ROBO2: variants seen among roughly 807,000 people sequenced by gnomAD.
ROBO2 encodes roundabout homolog 2.
Under a neutral mutation model 160.8 loss-of-function variants are expected in ROBO2, and 53 were observed. The ratio of observed to expected loss-of-function variants is 0.33; its 90% confidence interval spans 0.26 to 0.41. ROBO2 has a LOEUF of 0.41. Among genes scored for constraint, ROBO2 ranks in the 10% least tolerant of loss-of-function variants. ROBO2 has a pLI of 1.00. For missense variants in ROBO2, 1,577 were observed against 1,722.4 expected (o/e 0.92, Z 1.49); for synonymous variants, 664 against 611.7 (o/e 1.09, Z -1.26).
rs117556890 is a variant in ROBO2 at position 76,997,215 on chromosome 3, C to A, written c.110-100799C>A. The stretch of plus-strand genomic sequence containing the variant: ...AATCACAACATTTTAATCTATATTG[C>A]TCACTTTAATCAATACTTTTTATAT... On this transcript the variant is annotated intron_variant, in intron 2 of 26. Transcript: ENST00000487694. Among the ~76,000 whole-genome samples, 132 of 152,232 alleles carry A rather than the reference C, an allele frequency of 8.7e-4. 1 individual carries two copies. The East Asian group carries it at 0.02, about 23-fold the overall frequency.
intron 2 of ROBO2, among the ~76,000 whole-genome samples, chr3:76,409,036 T>G (rs1237972069): frequency 6.6e-6 from 1 of 151,904 alleles, no homozygotes; most frequent in East Asian, 1.9e-4. Flanking sequence ...GACAATAGAG[T>G]TCTGTAGTCA....
rs111301800 is a variant in ROBO2, at chr3:76,225,388, A to C, written c.109+287786A>C. On this transcript the variant is annotated intron_variant, in intron 2 of 26. Coordinates refer to the ROBO2 transcript ENST00000487694. Reference sequence around the variant, plus strand: ...TTACTGACAAATTGAATTAAATTGTATTCTTAGCTGCTTATTTTTATTTCC... The same window carrying C: ...TTACTGACAAATTGAATTAAATTGTCTTCTTAGCTGCTTATTTTTATTTCC... Among the ~76,000 whole-genome samples the C allele has an allele frequency of 6.1e-3, 936 of 152,302 alleles. 10 individuals carry two copies. Among genetic ancestry groups the C allele is most frequent in the African/African-American group, 0.021 (859 of 41,574 alleles).
chr3:77,404,879 A>G (rs2076133903), intron 2 of ROBO2, among the ~76,000 whole-genome samples: 1 of 152,186 alleles, frequency 6.6e-6, no homozygotes, highest in Admixed American at 6.5e-5. Context: ...TGAATAATAG[A>G]TTTCAATATG....
chr3:77,151,948 C>T (rs568268672), intron 2 of ROBO2, among the ~76,000 whole-genome samples: 2 of 152,116 alleles, frequency 1.3e-5, no homozygotes, highest in Non-Finnish European at 2.9e-5. Flanking sequence ...AATGCCTTTG[C>T]AAATTTCTAG....
intron 2 of ROBO2, among the ~76,000 whole-genome samples, chr3:77,391,051 C>T (rs1474768494): frequency 6.6e-6 from 1 of 151,996 alleles, no homozygotes; most frequent in African/African-American, 2.4e-5. Context: ...ACTGCATCCC[C>T]CTCAAAAGGC....
chr3:77,103,074 C>T lies in ROBO2; in HGVS notation c.388+4734C>T, dbSNP rs572478751. Among the ~76,000 whole-genome samples, 86 of 152,202 alleles carry T rather than the reference C, an allele frequency of 5.7e-4. 3 individuals are homozygous for T. Among genetic ancestry groups the T allele is most frequent in the Middle Eastern group, 3.4e-3 (1 of 294 alleles). On this transcript the variant is annotated intron_variant, in intron 2 of 25. Transcript: ENST00000461745. Reference sequence around the variant, plus strand: ...ATAAAGTTTCCGTTCTGAACACTGGCGCTCCCTGTTTATGGAGCAGAAGGA... The same window carrying T: ...ATAAAGTTTCCGTTCTGAACACTGGTGCTCCCTGTTTATGGAGCAGAAGGA...
At chr3:77,123,723 A>C (rs2075007448) in intron 2 of ROBO2, among the ~76,000 whole-genome samples, 1 of 123,190 alleles carries the variant, frequency 8.1e-6, no homozygotes, top group Non-Finnish European at 1.7e-5. Context: ...ATATATAGAT[A>C]ATCTATATGT....
chr3:77,350,809 C>G (rs79394537), intron 2 of ROBO2, among the ~76,000 whole-genome samples: 2 of 152,118 alleles, frequency 1.3e-5, no homozygotes, highest in African/African-American at 2.4e-5. Flanking sequence ...AACAGCTACA[C>G]GGAACTGGAC....
In ROBO2 at chr3:76,019,909, CT is replaced by C. The variant is rs140020485; in HGVS notation, c.109+82308del. 3.4e-4 allele frequency among the ~76,000 whole-genome samples: 51 copies of C among 150,660 alleles called. No homozygotes were observed. In the East Asian group the frequency reaches 9.5e-3, roughly 28 times the overall value. On this transcript the variant is annotated intron_variant, in intron 2 of 26. Coordinates refer to the ROBO2 transcript ENST00000487694. The stretch of plus-strand genomic sequence containing the variant: ...CCACATGGTTAGGTTTCCTTTAAAG[CT>C]CCATGCATATCTGAGAATACTGTAT...
At chr3:77,185,509 CA>C (rs2150891501) in intron 2 of ROBO2, among the ~76,000 whole-genome samples, 1 of 151,906 alleles carries the variant, frequency 6.6e-6, no homozygotes, top group South Asian at 2.1e-4. Flanking sequence ...ATCAAAAAAT[CA>C]AAAAGTAATA....
intron 2 of ROBO2, among the ~76,000 whole-genome samples, chr3:76,769,856 ATTC>A (rs780921818): frequency 3.3e-5 from 5 of 151,370 alleles, no homozygotes; most frequent in Non-Finnish European, 4.4e-5. Context: ...TTGATAATTT[ATTC>A]TTGCTCATCT....
intron 1 of ROBO2, among the ~76,000 whole-genome samples, chr3:75,909,820 A>T (rs1946491758): frequency 6.6e-6 from 1 of 152,214 alleles, no homozygotes; most frequent in Non-Finnish European, 1.5e-5. Flanking sequence ...GGAGAGAGGG[A>T]GATAAGAGAG....
At chr3:77,577,301 G>T (rs901410962) in intron 14 of ROBO2, among the ~76,000 whole-genome samples, 189 bp from the exon 16 acceptor site, 7 of 152,022 alleles carry the variant, frequency 4.6e-5, no homozygotes, top group African/African-American at 1.7e-4. Context: ...TGTTCCATTT[G>T]CTTTAAATCT....
chr3:76,112,585 G>A (rs9867506), intron 2 of ROBO2, among the ~76,000 whole-genome samples: 9 of 151,920 alleles, frequency 5.9e-5, no homozygotes, highest in South Asian at 4.1e-4. Flanking sequence ...AAATTTAAAT[G>A]TACTATGTTT....
At chr3:77,246,202 T>G (rs2089700404) in intron 2 of ROBO2, among the ~76,000 whole-genome samples, 1 of 152,114 alleles carries the variant, frequency 6.6e-6, no homozygotes, top group Non-Finnish European at 1.5e-5. Context: ...CTAAGCAACT[T>G]TTTCATGAGT....
At chr3:77,419,355 T>C (rs1268882207) in intron 2 of ROBO2, among the ~76,000 whole-genome samples, 1 of 152,138 alleles carries the variant, frequency 6.6e-6, no homozygotes, top group African/African-American at 2.4e-5. Flanking sequence ...ATGGTAGTAC[T>C]AGCATGCTCT....
chr3:76,023,122 CT>C (rs1263704655), intron 2 of ROBO2, among the ~76,000 whole-genome samples: 3 of 151,670 alleles, frequency 2.0e-5, no homozygotes, highest in African/African-American at 4.8e-5. Context: ...CTCTCTCAGC[CT>C]GAAGAGAATT....
chr3:76,366,831 T>TA (rs1454584988), intron 2 of ROBO2, among the ~76,000 whole-genome samples: 1 of 151,990 alleles, frequency 6.6e-6, no homozygotes, highest in African/African-American at 2.4e-5. Flanking sequence ...TAATAATTAA[T>TA]AAAAGGGCAA....
intron 2 of ROBO2, among the ~76,000 whole-genome samples, chr3:76,432,903 G>A (rs1478027251): frequency 6.6e-6 from 1 of 151,804 alleles, no homozygotes; most frequent in Non-Finnish European, 1.5e-5. Context: ...AAAAAAGGGA[G>A]GGAGAAAAAG....
Sources: gnomAD v4.1 joint callset for allele counts (sites outside exome capture counted in the v4.1 genomes callset) on GRCh38, gnomAD v4.1.1 for gene constraint, MANE v1.5 for transcripts, NCBI Gene and HGNC (gene_info 2026-07-23, HGNC 2026-07-21) for gene names.